Variants in MRPL48 observed in about 807,000 individuals in gnomAD.
MRPL48 encodes the protein large ribosomal subunit protein mL48.
Under a neutral mutation model 32.9 loss-of-function variants are expected in MRPL48, and 16 were observed. That is an observed-to-expected ratio of 0.49 (90% CI 0.33 to 0.74). MRPL48 has a LOEUF of 0.74. Ranked by LOEUF, MRPL48 falls within the 30% of genes least tolerant of loss-of-function variation. The pLI, the probability that MRPL48 is intolerant of heterozygous loss-of-function variation, is 0.02. For synonymous variants in MRPL48, 94 were observed against 89.2 expected, an observed-to-expected ratio of 1.05 and a Z score of -0.31; for missense variants, 206 against 245.3, an observed-to-expected ratio of 0.84 and a Z score of 1.07.
intron 4 of MRPL48, among the ~76,000 whole-genome samples, chr11:73,835,973 G>A (rs1365759472): frequency 3.3e-5 from 5 of 150,910 alleles, no homozygotes; most frequent in African/African-American, 1.2e-4. Context: ...TCTCACTGTC[G>A]CCCAGGTTGG....
intron 5 of MRPL48, among the ~76,000 whole-genome samples, chr11:73,849,972 C>T (rs1437170966): frequency 1.3e-5 from 2 of 152,028 alleles, no homozygotes; most frequent in East Asian, 1.9e-4. Context: ...TGGTGGCGTG[C>T]GCCTGTAGTC....
rs537915577 is a variant in MRPL48 at position 73,861,438 on chromosome 11, C to T, written c.474+1429C>T. 7.9e-5 allele frequency among the ~76,000 whole-genome samples: 12 copies of T among 152,210 alleles called. No homozygotes were observed. The East Asian group carries it at 1.7e-3, about 22-fold the overall frequency. ...AGGCTGGAAGGCAATGGTGCGATCT[C>T]GGCTCACCGCAACCTTCGCCTCCTG... On this transcript the variant is annotated intron_variant, in intron 6 of 7. Transcript: ENST00000310614.
chr11:73,857,423 C>A lies in MRPL48; in HGVS notation c.372-2484C>A, dbSNP rs193095570. 2.8e-4 allele frequency among the ~76,000 whole-genome samples: 42 copies of A among 151,710 alleles called. 1 individual carries two copies. The East Asian group carries it at 7.4e-3, about 27-fold the overall frequency. On this transcript the variant is annotated intron_variant, in intron 5 of 7. Coordinates refer to ENST00000310614, the MANE Select transcript of MRPL48 (RefSeq NM_016055.6). ...CTGGGATTACAGGCGTGAGCCACTG[C>A]GCCCGACCGACTTTTTTCTTCCTTT...
intron 4 of MRPL48, among the ~76,000 whole-genome samples, chr11:73,830,051 C>T (rs543561524): frequency 6.6e-5 from 10 of 152,246 alleles, no homozygotes; most frequent in African/African-American, 2.2e-4. Flanking sequence ...AGTGAGCCAC[C>T]GTACCTGGCC....
chr11:73,862,343 A>G (rs996359562), intron 6 of MRPL48, among the ~76,000 whole-genome samples: 2 of 152,018 alleles, frequency 1.3e-5, no homozygotes, highest in African/African-American at 2.4e-5. Flanking sequence ...AATCGCTTGA[A>G]CCCGGGAGGT....
chr11:73,787,968 A>G lies in MRPL48; in HGVS notation c.-4A>G. On this transcript the variant is annotated 5_prime_UTR_variant, in exon 1 of 8. Transcript: ENST00000310614. ...CACAGCTAGAGGCCGCGCAGCAGCA[A>G]AGGATGAGCGGAACCTTGGAAAAGG... 1 of 1,612,924 alleles carries G rather than the reference A, an allele frequency of 6.2e-7. No homozygotes were observed. The highest frequency in any genetic ancestry group is 8.5e-7 in the Non-Finnish European group (1 of 1,179,442).
In MRPL48 at chr11:73,804,108, C is replaced by T. The variant is rs1271774247; in HGVS notation, c.22-919C>T. On this transcript the variant is annotated intron_variant, in intron 1 of 7. Coordinates refer to ENST00000310614, the MANE Select transcript of MRPL48 (RefSeq NM_016055.6). ...TTAATTTTTGTATTTTTAGTAGAGACGTGGTTTCACAATCTTGGCCGGGCT... is the reference window on the plus strand; with the variant it reads ...TTAATTTTTGTATTTTTAGTAGAGATGTGGTTTCACAATCTTGGCCGGGCT... Among the ~76,000 whole-genome samples the T allele has an allele frequency of 3.3e-5, 5 of 151,832 alleles. No individual in the cohort carries two copies. The South Asian group carries it at 8.3e-4, about 25-fold the overall frequency.
chr11:73,822,202 C>G (rs1389677814), intron 3 of MRPL48, among the ~76,000 whole-genome samples: 1 of 152,108 alleles, frequency 6.6e-6, no homozygotes, highest in African/African-American at 2.4e-5. Context: ...GCCAAAAATA[C>G]CTCCCTATTC....
At chr11:73,808,285 A>G (rs771390537) in intron 2 of MRPL48, 28 bp from the exon 3 acceptor site, 2 of 1,585,458 alleles carry the variant, frequency 1.3e-6, no homozygotes, top group Non-Finnish European at 1.7e-6. Context: ...TTCTAATTGT[A>G]TTGAACATAC....
chr11:73,807,452 T>G (rs1019193874), intron 2 of MRPL48, among the ~76,000 whole-genome samples: 1 of 151,742 alleles, frequency 6.6e-6, no homozygotes, highest in African/African-American at 2.4e-5. Context: ...TTATCCCATC[T>G]TAATCAGTCA....
chr11:73,793,439 A>G (rs1004675986), intron 1 of MRPL48, among the ~76,000 whole-genome samples: 3 of 152,210 alleles, frequency 2.0e-5, no homozygotes, highest in Admixed American at 1.3e-4. Flanking sequence ...TGCAAATGAA[A>G]GATTCAGGGT....
At chr11:73,858,274 C>T (rs1430579215) in intron 5 of MRPL48, among the ~76,000 whole-genome samples, 4 of 152,204 alleles carry the variant, frequency 2.6e-5, no homozygotes, top group African/African-American at 9.7e-5. Context: ...AAAGAATTTG[C>T]AATATCTTGC....
chr11:73,811,629 T>A (rs1947569287), intron 3 of MRPL48, among the ~76,000 whole-genome samples: 1 of 152,226 alleles, frequency 6.6e-6, no homozygotes, highest in African/African-American at 2.4e-5. Context: ...ATCATTATTC[T>A]CTAGCCTTGG....
intron 7 of MRPL48, 42 bp downstream of exon 7, chr11:73,863,303 T>C: frequency 6.8e-7 from 1 of 1,470,254 alleles, no homozygotes; most frequent in Non-Finnish European, 9.3e-7. Context: ...GGCCTGCATA[T>C]GCTCAAAATA....
rs10554131 is a variant in MRPL48 at position 73,852,393 on chromosome 11, CAAAAAAAA to C, written c.371+7434_371+7441del. ...ATAAGGAGCTCAAACAACTCTATAGCAAAAAAAAAAAAAAAAAAAAAAAATCTAATAAT... is the reference window on the plus strand; with the variant it reads ...ATAAGGAGCTCAAACAACTCTATAGCAAAAAAAAAAAAAAAATCTAATAAT... On this transcript the variant is annotated intron_variant, in intron 5 of 7. Transcript: ENST00000310614. Among the ~76,000 whole-genome samples, 407 of 83,370 alleles carry C rather than the reference CAAAAAAAA, an allele frequency of 4.9e-3. 1 individual carries two copies. Among genetic ancestry groups the C allele is most frequent in the Admixed American group, 7.6e-3 (57 of 7,464 alleles). The allele number at this position is 83,370 out of a possible 152,430, so 54.7% of individuals were successfully genotyped here.
chr11:73,819,637 T>C (rs1469391087), intron 3 of MRPL48, among the ~76,000 whole-genome samples: 2 of 152,170 alleles, frequency 1.3e-5, no homozygotes, highest in Non-Finnish European at 2.9e-5. Flanking sequence ...GCCTGACAAA[T>C]AGTAAATATC....
intron 1 of MRPL48, among the ~76,000 whole-genome samples, chr11:73,795,609 C>A (rs1306723875): frequency 6.6e-6 from 1 of 151,888 alleles, no homozygotes; most frequent in African/African-American, 2.4e-5. Context: ...CGGGTTCACA[C>A]CATTCTCTTG....
intron 1 of MRPL48, among the ~76,000 whole-genome samples, chr11:73,804,444 T>G (rs1365616837): frequency 1.3e-5 from 2 of 151,820 alleles, no homozygotes; most frequent in Admixed American, 1.3e-4. Context: ...GCCCGGCTAA[T>G]TTTTGTAATT....
chr11:73,815,619 G>T (rs879328677), intron 3 of MRPL48, among the ~76,000 whole-genome samples: 22 of 152,026 alleles, frequency 1.4e-4, no homozygotes, highest in Non-Finnish European at 2.8e-4. Flanking sequence ...CTCCCAAAGT[G>T]CTGAGATTAC....
Sources: allele counts gnomAD v4.1 joint callset (sites outside exome capture counted in the v4.1 genomes callset), GRCh38; gene constraint gnomAD v4.1.1; transcripts MANE v1.5; gene names NCBI Gene and HGNC (gene_info 2026-07-23, HGNC 2026-07-21).